Variants in ATP13A4 observed in about 807,000 individuals in gnomAD.
ATP13A4 encodes probable cation-transporting ATPase 13A4.
ATP13A4 carries 114 observed loss-of-function variants against 142.5 expected under a neutral mutation model. The ratio of observed to expected loss-of-function variants is 0.80; its 90% CI spans 0.69 to 0.93. ATP13A4 has a LOEUF of 0.93. Among genes scored for constraint, ATP13A4 ranks in the 40% least tolerant of loss-of-function variants. The pLI is 0.00. For missense variants in ATP13A4, 1,392 were observed against 1,454.0 expected, an observed-to-expected ratio of 0.96 and a Z score of 0.69; for synonymous variants, 488 against 514.8, an observed-to-expected ratio of 0.95 and a Z score of 0.70.
chr3:193,554,644 T>C, intron 1 of ATP13A4, 96 bp downstream of exon 1: 2 of 1,408,680 alleles, frequency 1.4e-6, no homozygotes, highest in Non-Finnish European at 2.0e-6. Flanking sequence ...TGTGTGTGTG[T>C]GATGCGTGCG....
chr3:193,408,956 A>G (rs775422897), intron 28 of ATP13A4, among the ~76,000 whole-genome samples: 52 of 152,200 alleles, frequency 3.4e-4, no homozygotes, highest in Non-Finnish European at 5.4e-4. Context: ...GAACAAATAT[A>G]ATAGTTTTCT....
In ATP13A4 at chr3:193,417,929, C is replaced by T. The variant is rs371049265; in HGVS notation, c.2843-3179G>A. Among the ~76,000 whole-genome samples, 225 of 145,428 alleles carry T rather than the reference C, an allele frequency of 1.5e-3. 7 individuals are homozygous for T. Among genetic ancestry groups the T allele is most frequent in the African/African-American group, 3.0e-3 (119 of 39,112 alleles). ...CAAGGTCAGGAGATCGAGACCATCC[C>T]GGCTAAAACGGTGAAACCCCGTCTC... On this transcript the variant is annotated intron_variant, in intron 25 of 29. Transcript: ENST00000342695.
intron 1 of ATP13A4, among the ~76,000 whole-genome samples, chr3:193,591,046 G>A (rs1394735958): frequency 6.6e-6 from 1 of 152,142 alleles, no homozygotes; most frequent in African/African-American, 2.4e-5. Context: ...TTTTTATTTG[G>A]CAACAAATGT....
chr3:193,400,951 A>C lies in ATP13A4; in HGVS notation c.*1701T>G, dbSNP rs1164347730. 1.4e-5 allele frequency among the ~76,000 whole-genome samples: 2 copies of C among 145,688 alleles called. No homozygotes were observed. Among genetic ancestry groups the C allele is most frequent in the Admixed American group, 1.4e-4 (2 of 14,616 alleles). ...AAAAGGAAACATTTCTTTCTGTACC[A>C]AAAAAGACAGTGATTCTGCAGTCTT... On this transcript the variant is annotated 3_prime_UTR_variant, in exon 30 of 30. Coordinates refer to ENST00000342695, the MANE Select transcript of ATP13A4 (RefSeq NM_032279.4).
intron 25 of ATP13A4, among the ~76,000 whole-genome samples, chr3:193,416,653 A>G (rs547854688): frequency 6.6e-6 from 1 of 152,222 alleles, no homozygotes; most frequent in African/African-American, 2.4e-5. Context: ...TGAAGGTAGG[A>G]TAGTTGAAAA....
intron 25 of ATP13A4, among the ~76,000 whole-genome samples, chr3:193,428,175 A>G (rs1294409191): frequency 1.3e-5 from 2 of 152,052 alleles, no homozygotes; most frequent in African/African-American, 2.4e-5. Context: ...ATGCAGCCAA[A>G]AGACACATGA....
At chr3:193,545,062 T>G (rs541019175) in intron 1 of ATP13A4, among the ~76,000 whole-genome samples, 2 of 152,106 alleles carry the variant, frequency 1.3e-5, no homozygotes, top group Admixed American at 6.5e-5. Flanking sequence ...TCAAATAAAG[T>G]CAATGTGACA....
At chr3:193,507,482 T>C (rs1013844367) in intron 2 of ATP13A4, among the ~76,000 whole-genome samples, 1 of 152,146 alleles carries the variant, frequency 6.6e-6, no homozygotes, top group African/African-American at 2.4e-5. Flanking sequence ...TTCTAAGTTT[T>C]GGAGAAATTC....
intron 1 of ATP13A4, among the ~76,000 whole-genome samples, chr3:193,543,584 C>T (rs1222748625): frequency 6.6e-6 from 1 of 152,194 alleles, no homozygotes; most frequent in Non-Finnish European, 1.5e-5. Context: ...CAATCATTAA[C>T]ACACACTTTA....
rs1714736914 is a variant in ATP13A4, at chr3:193,410,981, C to T, written c.3297+1G>A. 4 of 1,579,774 alleles carry T rather than the reference C, an allele frequency of 2.5e-6. No individual in the cohort carries two copies. Among genetic ancestry groups the T allele is most frequent in the Non-Finnish European group, 3.5e-6 (4 of 1,149,170 alleles). The stretch of plus-strand genomic sequence containing the variant: ...CATCATATCCCAAAGATTAGACTTA[C>T]ATCCAAACGTCTATATAATTCTGGT... On this transcript the variant is annotated splice_donor_variant, in intron 28 of 29. Transcript: ENST00000342695. LOFTEE classifies it high-confidence loss of function.
At chr3:193,567,328 T>C (rs1275221292) in intron 2 of ATP13A4, among the ~76,000 whole-genome samples, 1 of 152,172 alleles carries the variant, frequency 6.6e-6, no homozygotes, top group African/African-American at 2.4e-5. Context: ...ATTCTTTACT[T>C]TATTCCCCTG....
At chr3:193,535,728 A>T (rs758442443) in intron 1 of ATP13A4, among the ~76,000 whole-genome samples, 6 of 152,130 alleles carry the variant, frequency 3.9e-5, no homozygotes, top group Non-Finnish European at 8.8e-5. Context: ...CAAAACAAAC[A>T]GCTGGTTCTT....
chr3:193,401,077 G>C lies in ATP13A4; in HGVS notation c.*1575C>G, dbSNP rs538057677. ...GTTCCTAGAATCAGCTGCAATCATA[G>C]AGCCATCAGCCATGCTCAAGAGCTC... On this transcript the variant is annotated 3_prime_UTR_variant, in exon 30 of 30. Coordinates refer to ENST00000342695, the MANE Select transcript of ATP13A4 (RefSeq NM_032279.4). Among the ~76,000 whole-genome samples the C allele has an allele frequency of 2.1e-4, 32 of 152,254 alleles. No homozygotes were observed. The highest frequency in any genetic ancestry group is 7.7e-4 in the African/African-American group (32 of 41,536).
chr3:193,414,546 T>A, intron 26 of ATP13A4, 33 bp downstream of exon 26: 2 of 1,607,716 alleles, frequency 1.2e-6, no homozygotes, highest in East Asian at 2.2e-5. Flanking sequence ...GAAATTAGAA[T>A]GTGAGAAGCA....
At chr3:193,502,440 G>A (rs1720602408) in intron 3 of ATP13A4, 53 bp downstream of exon 3, 1 of 1,580,388 alleles carries the variant, frequency 6.3e-7, no homozygotes, top group South Asian at 1.1e-5. Flanking sequence ...ATATACTTGA[G>A]GGGAAAAAGA....
chr3:193,563,614 T>C (rs1724064223), intron 2 of ATP13A4, among the ~76,000 whole-genome samples: 1 of 152,162 alleles, frequency 6.6e-6, no homozygotes, highest in Admixed American at 6.5e-5. Flanking sequence ...GCTGTGATTG[T>C]GTAATTGCGC....
intron 1 of ATP13A4, among the ~76,000 whole-genome samples, chr3:193,588,654 T>C (rs1724708961): frequency 6.6e-6 from 1 of 152,116 alleles, no homozygotes; most frequent in South Asian, 2.1e-4. Flanking sequence ...TTTCTGTTTC[T>C]CCAGGATTAT....
chr3:193,548,942 T>C (rs1297993146), intron 1 of ATP13A4, among the ~76,000 whole-genome samples: 3 of 152,168 alleles, frequency 2.0e-5, no homozygotes, highest in African/African-American at 7.2e-5. Flanking sequence ...AGATTCTAGT[T>C]GAAAACATAT....
chr3:193,512,973 A>C (rs1721219975), intron 2 of ATP13A4, among the ~76,000 whole-genome samples: 1 of 152,236 alleles, frequency 6.6e-6, no homozygotes, highest in African/African-American at 2.4e-5. Context: ...CATCACCAAT[A>C]TCACTTGCTC....
Sources: gnomAD v4.1 joint callset for allele counts (sites outside exome capture counted in the v4.1 genomes callset) on GRCh38, gnomAD v4.1.1 for gene constraint, MANE v1.5 for transcripts, NCBI Gene and HGNC (gene_info 2026-07-23, HGNC 2026-07-21) for gene names.